The following FRMD5 variants were observed in gnomAD, a reference collection of about 807,000 sequenced individuals.
FRMD5 encodes the protein FERM domain-containing protein 5.
FRMD5 carries 20 observed loss-of-function variants against 69.0 expected under a neutral mutation model. The ratio of observed to expected loss-of-function variants is 0.29; its 90% CI spans 0.20 to 0.42. FRMD5 has a LOEUF of 0.42. FRMD5 is among the 10% of genes least tolerant of loss of function. The pLI is 1.00. For missense variants in FRMD5, 595 were observed against 708.6 expected (o/e 0.84, Z 1.82); for synonymous variants, 271 against 260.1 (o/e 1.04, Z -0.40).
chr15:43,951,236 C>T (rs554586634), intron 1 of FRMD5, among the ~76,000 whole-genome samples: 126 of 151,980 alleles, frequency 8.3e-4, no homozygotes, highest in African/African-American at 2.6e-3. Context: ...CTGGCTAATA[C>T]GGTGAAACCC....
chr15:44,092,907 A>G (rs1341579781), intron 1 of FRMD5, among the ~76,000 whole-genome samples: 4 of 140,326 alleles, frequency 2.9e-5, no homozygotes, highest in Admixed American at 1.4e-4. Context: ...TAGTAATTGT[A>G]TATTTGTTCT....
At chr15:44,076,703 G>C (rs1200240953) in intron 1 of FRMD5, among the ~76,000 whole-genome samples, 1 of 150,136 alleles carries the variant, frequency 6.7e-6, no homozygotes, top group African/African-American at 2.5e-5. Context: ...CAGTGCACCA[G>C]CATGGCACAT....
intron 1 of FRMD5, chr15:43,990,328 A>G: frequency 3.9e-6 from 1 of 254,550 alleles, no homozygotes; most frequent in Non-Finnish European, 7.7e-6. Context: ...CTTTTTTGTG[A>G]TATTTGCTTT....
At chr15:43,944,534 A>AT (rs2089912818) in intron 1 of FRMD5, among the ~76,000 whole-genome samples, 1 of 150,912 alleles carries the variant, frequency 6.6e-6, no homozygotes, top group African/African-American at 2.4e-5. Context: ...GGTTCAAGTG[A>AT]TTCTCTTGCC....
chr15:44,025,284 A>C (rs1304393537), intron 1 of FRMD5, among the ~76,000 whole-genome samples: 2 of 152,212 alleles, frequency 1.3e-5, no homozygotes, highest in African/African-American at 4.8e-5. Flanking sequence ...ACATGGGAAG[A>C]GGTAACGTCT....
At chr15:44,150,553 G>T (rs1198737590) in intron 1 of FRMD5, among the ~76,000 whole-genome samples, 1 of 151,954 alleles carries the variant, frequency 6.6e-6, no homozygotes, top group South Asian at 2.1e-4. Flanking sequence ...GCCGAAGCAG[G>T]AAGATCGTTT....
At chr15:44,090,131 A>T (rs1440255053) in intron 1 of FRMD5, among the ~76,000 whole-genome samples, 23 of 152,174 alleles carry the variant, frequency 1.5e-4, no homozygotes, top group Non-Finnish European at 7.4e-5. Flanking sequence ...AGTTGAGGCC[A>T]AGAATCTGAA....
At chr15:43,875,400 A>G (rs1162327057) in intron 13 of FRMD5, among the ~76,000 whole-genome samples, 1 of 143,784 alleles carries the variant, frequency 7.0e-6, no homozygotes, top group African/African-American at 2.5e-5. Context: ...ATATGTATGT[A>G]TGAAACAAGA....
chr15:44,036,960 CTGTT>C (rs1891941651), intron 1 of FRMD5, among the ~76,000 whole-genome samples: 1 of 152,026 alleles, frequency 6.6e-6, no homozygotes, highest in South Asian at 2.1e-4. Flanking sequence ...TTTTGCCTGA[CTGTT>C]AGGCAGCACT....
At chr15:43,942,709 G>A (rs1277453024) in intron 1 of FRMD5, among the ~76,000 whole-genome samples, 1 of 152,062 alleles carries the variant, frequency 6.6e-6, no homozygotes, top group African/African-American at 2.4e-5. Flanking sequence ...GAATAATTAG[G>A]TATTAATCAT....
At chr15:44,078,143 T>C (rs892119505) in intron 1 of FRMD5, among the ~76,000 whole-genome samples, 1 of 152,092 alleles carries the variant, frequency 6.6e-6, no homozygotes, top group Non-Finnish European at 1.5e-5. Flanking sequence ...AATCAAACTT[T>C]TAAAAAATTC....
chr15:44,007,514 C>T (rs986865370), intron 1 of FRMD5, among the ~76,000 whole-genome samples: 9 of 151,960 alleles, frequency 5.9e-5, no homozygotes, highest in Admixed American at 3.9e-4. Flanking sequence ...TCTCTGTCTG[C>T]TGATCAAAAT....
chr15:44,028,990 C>A (rs1376057517), intron 1 of FRMD5, among the ~76,000 whole-genome samples: 1 of 152,200 alleles, frequency 6.6e-6, no homozygotes, highest in African/African-American at 2.4e-5. Flanking sequence ...ATAGACTAAA[C>A]CATTTCTATT....
chr15:44,028,296 G>C lies in FRMD5; in HGVS notation c.103-103987C>G, dbSNP rs996228937. Among the ~76,000 whole-genome samples, 7 of 152,214 alleles carry C rather than the reference G, an allele frequency of 4.6e-5. No homozygotes were observed. In the East Asian group the frequency reaches 1.2e-3, roughly 25 times the overall value. ...AACTGCCATGCTAGGTCTATGGCAAGAGAAGGATATAATGTAGGAAAAAGT... is the reference window on the plus strand; with the variant it reads ...AACTGCCATGCTAGGTCTATGGCAACAGAAGGATATAATGTAGGAAAAAGT... On this transcript the variant is annotated intron_variant, in intron 1 of 13. Transcript: ENST00000417257.
In FRMD5 at chr15:43,874,247, C is replaced by T; in HGVS notation, c.1351G>A (p.Gly451Arg). 1 of 1,614,210 alleles carries T rather than the reference C, an allele frequency of 6.2e-7. No individual in the cohort carries two copies. Among genetic ancestry groups the T allele is most frequent in the Non-Finnish European group, 8.5e-7 (1 of 1,180,048 alleles). ...TCCTCCTCAATGCTGCAGGTGGCTC[C>T]ATTGATCTGCCGGGAAAGCAACATC... is the stretch of plus-strand genomic sequence containing the variant. The part of the protein sequence containing the change: ...ELMLLSRQIN[G>R]ATCSIEEEKE... The change falls in exon 14 of 14, where the codon GGA becomes AGA. Residue 451 changes from glycine to arginine, a missense_variant. Coordinates refer to ENST00000417257, the MANE Select transcript of FRMD5 (RefSeq NM_032892.5).
At chr15:44,103,131 C>T (rs563667009) in intron 1 of FRMD5, among the ~76,000 whole-genome samples, 60 of 152,216 alleles carry the variant, frequency 3.9e-4, no homozygotes, top group Non-Finnish European at 6.6e-4. Context: ...ATGCATTGTC[C>T]TCATGCCATT....
At chr15:43,884,237 G>T (rs1335230296) in intron 12 of FRMD5, among the ~76,000 whole-genome samples, 1 of 152,180 alleles carries the variant, frequency 6.6e-6, no homozygotes, top group Non-Finnish European at 1.5e-5. Flanking sequence ...AGAGGCAAAG[G>T]CTGGTTGGCA....
intron 1 of FRMD5, among the ~76,000 whole-genome samples, chr15:44,104,946 A>G (rs865781949): frequency 1.3e-5 from 2 of 152,268 alleles, no homozygotes; most frequent in Middle Eastern, 3.4e-3. Context: ...ATATGGATAT[A>G]CCACACTTTA....
At chr15:43,991,146 A>C (rs1385696518) in intron 1 of FRMD5, among the ~76,000 whole-genome samples, 4 of 152,216 alleles carry the variant, frequency 2.6e-5, no homozygotes, top group Non-Finnish European at 5.9e-5. Flanking sequence ...GCCAGAGTTA[A>C]GATGCTGTGA....
Sources: gnomAD v4.1 joint callset for allele counts (sites outside exome capture counted in the v4.1 genomes callset) on GRCh38, gnomAD v4.1.1 for gene constraint, MANE v1.5 for transcripts, NCBI Gene and HGNC (gene_info 2026-07-23, HGNC 2026-07-21) for gene names.